Variants in MMP26 observed in about 807,000 individuals in gnomAD.
The protein encoded by MMP26 is matrix metalloproteinase-26.
In MMP26, 33 loss-of-function variants were observed where a neutral mutation model predicts 31.0. That is an observed-to-expected ratio of 1.06 (90% CI 0.81 to 1.42). The LOEUF (loss-of-function observed/expected upper bound fraction) is 1.42, where lower values mean the gene tolerates loss of function less well. Ranked by LOEUF, MMP26 falls within the 40% of genes most tolerant of loss-of-function variation. The probability of loss-of-function intolerance (pLI) is 0.00; values close to 1 mark genes in which losing one functional copy is unlikely to be tolerated. For synonymous variants in MMP26, 122 were observed against 114.9 expected (o/e 1.06, Z -0.40); for missense variants, 347 against 316.1 (o/e 1.10, Z -0.74).
At chr11:4,918,729 T>C (rs1851136394) in intron 2 of MMP26, among the ~76,000 whole-genome samples, 1 of 152,336 alleles carries the variant, frequency 6.6e-6, no homozygotes, top group Non-Finnish European at 1.5e-5. Context: ...CAAGTTGTTT[T>C]GCTTTAAGAC....
At chr11:4,988,893 T>G (rs760998882) in intron 3 of MMP26, among the ~76,000 whole-genome samples, 1 of 152,184 alleles carries the variant, frequency 6.6e-6, no homozygotes, top group Non-Finnish European at 1.5e-5. Flanking sequence ...ATTTGCCTCT[T>G]AGTGCCCAGC....
At chr11:4,796,897 T>G (rs889152874) in intron 2 of MMP26, among the ~76,000 whole-genome samples, 1 of 152,032 alleles carries the variant, frequency 6.6e-6, no homozygotes, top group Non-Finnish European at 1.5e-5. Context: ...CTGGAAGCAT[T>G]GCCATTGTCA....
At chr11:4,844,895 G>A (rs1308456836) in intron 2 of MMP26, among the ~76,000 whole-genome samples, 1 of 152,102 alleles carries the variant, frequency 6.6e-6, no homozygotes, top group Non-Finnish European at 1.5e-5. Context: ...AGTATTGGAA[G>A]TCCTAGCTAG....
intron 1 of MMP26, among the ~76,000 whole-genome samples, chr11:4,753,237 T>C (rs898516551): frequency 1.4e-4 from 21 of 152,094 alleles, no homozygotes; most frequent in African/African-American, 5.1e-4. Flanking sequence ...TTATTCTGAC[T>C]TTTATTACCA....
intron 1 of MMP26, among the ~76,000 whole-genome samples, chr11:4,760,946 A>T (rs1589892669): frequency 6.6e-6 from 1 of 152,200 alleles, no homozygotes; most frequent in African/African-American, 2.4e-5. Flanking sequence ...AAGAAGTATA[A>T]TTTTTGCTAT....
At chr11:4,985,882 C>A (rs907157787) in intron 2 of MMP26, among the ~76,000 whole-genome samples, 2 of 152,164 alleles carry the variant, frequency 1.3e-5, no homozygotes, top group Non-Finnish European at 2.9e-5. Context: ...TACCAACAAT[C>A]CCCTCCATGA....
intron 2 of MMP26, among the ~76,000 whole-genome samples, chr11:4,819,072 G>A (rs1044523012): frequency 2.0e-5 from 3 of 152,098 alleles, no homozygotes; most frequent in Non-Finnish European, 2.9e-5. Flanking sequence ...TTTTATGAAA[G>A]TTATAGCCTT....
At chr11:4,967,296 A>G (rs1192300667) in intron 2 of MMP26, among the ~76,000 whole-genome samples, 1 of 152,202 alleles carries the variant, frequency 6.6e-6, no homozygotes, top group African/African-American at 2.4e-5. Context: ...CTTAATCACA[A>G]AAAAGTCTGG....
At chr11:4,799,456 A>G (rs1849152676) in intron 2 of MMP26, among the ~76,000 whole-genome samples, 2 of 152,190 alleles carry the variant, frequency 1.3e-5, no homozygotes, top group African/African-American at 4.8e-5. Context: ...GATAGTGCTA[A>G]GCCATTCATG....
intron 2 of MMP26, among the ~76,000 whole-genome samples, chr11:4,891,654 T>C (rs931280941): frequency 3.3e-5 from 5 of 152,188 alleles, no homozygotes; most frequent in African/African-American, 4.8e-5. Flanking sequence ...TCCTATAGCA[T>C]AGTGAAAACC....
At chr11:4,810,063 C>T (rs1849329205) in intron 2 of MMP26, among the ~76,000 whole-genome samples, 1 of 152,182 alleles carries the variant, frequency 6.6e-6, no homozygotes, top group Admixed American at 6.5e-5. Flanking sequence ...TTTCCAGTGC[C>T]TCACATGCAC....
intron 2 of MMP26, among the ~76,000 whole-genome samples, chr11:4,893,409 C>T (rs1323033098): frequency 6.6e-6 from 1 of 152,122 alleles, no homozygotes; most frequent in Non-Finnish European, 1.5e-5. Flanking sequence ...CTCCTTTTAG[C>T]AGCCTCTCAA....
intron 1 of MMP26, chr11:4,710,739 A>G (rs964809541): frequency 1.2e-5 from 3 of 252,448 alleles, no homozygotes; most frequent in Non-Finnish European, 2.4e-5. Context: ...AACCTAGCAC[A>G]GTATAGGACC....
Position 4,727,394 on chromosome 11 carries a change from T to A in MMP26, c.-217+22349T>A, listed in dbSNP as rs1013333005. ...AATGTTTGCTTACAGTCATCAAACA[T>A]TTATAAATAGCAAATATAAAAATTT... On this transcript the variant is annotated intron_variant, in intron 1 of 7. Coordinates refer to ENST00000380390, the MANE Select transcript of MMP26 (RefSeq NM_021801.5). 9.2e-5 allele frequency among the ~76,000 whole-genome samples: 14 copies of A among 152,288 alleles called. No individual in the cohort carries two copies. The East Asian group carries it at 9.6e-4, about 10-fold the overall frequency.
rs1461972711 is a variant in MMP26 at position 4,972,181 on chromosome 11, G to T, written c.-144-15887G>T. Among the ~76,000 whole-genome samples, 6 of 152,284 alleles carry T rather than the reference G, an allele frequency of 3.9e-5. No homozygotes were observed. In the East Asian group the frequency reaches 5.8e-4, roughly 15 times the overall value. On this transcript the variant is annotated intron_variant, in intron 2 of 7. Coordinates refer to ENST00000380390, the MANE Select transcript of MMP26 (RefSeq NM_021801.5). ...ATCTAGAGTAACCAGATATGGAGGG[G>T]AAGGGGCTTTGGTTAAACTGACCTA...
intron 2 of MMP26, chr11:4,769,327 A>G (rs1389120233): frequency 1.2e-6 from 2 of 1,613,454 alleles, no homozygotes; most frequent in Non-Finnish European, 8.5e-7. Context: ...CACAGATGCT[A>G]TTTGCCCGAA....
intron 1 of MMP26, among the ~76,000 whole-genome samples, chr11:4,766,616 T>C (rs903704413): frequency 2.0e-5 from 3 of 151,784 alleles, no homozygotes; most frequent in African/African-American, 7.3e-5. Flanking sequence ...AGTAAATGGG[T>C]ATCCTTGCTT....
At chr11:4,853,775 A>G (rs1370272016) in intron 2 of MMP26, among the ~76,000 whole-genome samples, 1 of 152,204 alleles carries the variant, frequency 6.6e-6, no homozygotes, top group Non-Finnish European at 1.5e-5. Flanking sequence ...GGATTTTATA[A>G]AATCCTACTC....
rs575902846 is a variant in MMP26, at chr11:4,934,023, G to A, written c.-144-54045G>A. ...AGTCTTTGCTATTGTGAATAATGCC[G>A]CAATAAACATACGTGTGCATGTGTC... is the stretch of plus-strand genomic sequence containing the variant. On this transcript the variant is annotated intron_variant, in intron 2 of 7. Transcript: ENST00000380390. Among the ~76,000 whole-genome samples, 36 of 142,612 alleles carry A rather than the reference G, an allele frequency of 2.5e-4. No homozygotes were observed. The East Asian group carries it at 2.9e-3, about 12-fold the overall frequency. 93.6% of individuals were successfully genotyped at this position (142,612 alleles called of 152,430 possible).
Sources: gnomAD v4.1 joint callset for allele counts (sites outside exome capture counted in the v4.1 genomes callset) on GRCh38, gnomAD v4.1.1 for gene constraint, MANE v1.5 for transcripts, NCBI Gene and HGNC (gene_info 2026-07-23, HGNC 2026-07-21) for gene names.